The following PTPRD variants were observed in gnomAD, a reference collection of about 807,000 sequenced individuals.
The protein encoded by PTPRD is protein tyrosine phosphatase receptor type D, also known as receptor-type tyrosine-protein phosphatase delta.
PTPRD carries 34 observed loss-of-function variants against 214.5 expected under a neutral mutation model. The ratio of observed to expected loss-of-function variants is 0.16; its 90% CI spans 0.12 to 0.21. The LOEUF (loss-of-function observed/expected upper bound fraction) is 0.21, where lower values mean the gene tolerates loss of function less well. PTPRD is among the 10% of genes least tolerant of loss of function. The pLI is 1.00. For missense variants in PTPRD, 2,545 were observed against 2,398.7 expected, an observed-to-expected ratio of 1.06 and a Z score of -1.27; for synonymous variants, 1,128 against 845.7, an observed-to-expected ratio of 1.33 and a Z score of -5.79.
Position 9,448,397 on chromosome 9 carries a change from T to A in PTPRD, c.-236-50915A>T, listed in dbSNP as rs575611160. Among the ~76,000 whole-genome samples the A allele has an allele frequency of 2.4e-4, 36 of 152,088 alleles. 1 individual carries two copies. Among genetic ancestry groups the A allele is most frequent in the Admixed American group, 2.4e-3 (36 of 15,268 alleles). On this transcript the variant is annotated intron_variant, in intron 8 of 45. Coordinates refer to ENST00000381196, the MANE Select transcript of PTPRD (RefSeq NM_002839.4). ...ATGCTGTTTTCAAGATAGTGAGTTC[T>A]CATGAGATCTGATGGTTTCCTAAGT... is the stretch of plus-strand genomic sequence containing the variant.
chr9:10,483,051 A>G (rs973628511), intron 2 of PTPRD, among the ~76,000 whole-genome samples: 1 of 152,338 alleles, frequency 6.6e-6, no homozygotes, highest in Admixed American at 6.5e-5. Flanking sequence ...GTAAGGCTAT[A>G]GTAACCAAAC....
intron 12 of PTPRD, among the ~76,000 whole-genome samples, chr9:8,675,463 G>C (rs751255725): frequency 3.1e-5 from 4 of 128,976 alleles, no homozygotes; most frequent in Non-Finnish European, 6.2e-5. Flanking sequence ...ATGTAATCCT[G>C]TATTTCTTTA....
rs541351817 is a variant in PTPRD at position 8,681,282 on chromosome 9, T to G, written c.65-44438A>C. ...ATAACCAAAGCAAACACATTTTATT[T>G]ACATGTTTGTTTCTTAAAGAACATG... is the stretch of plus-strand genomic sequence containing the variant. On this transcript the variant is annotated intron_variant, in intron 12 of 45. Coordinates refer to ENST00000381196, the MANE Select transcript of PTPRD (RefSeq NM_002839.4). Among the ~76,000 whole-genome samples the G allele has an allele frequency of 5.3e-5, 8 of 152,288 alleles. No individual in the cohort carries two copies. The South Asian group carries it at 1.7e-3, about 32-fold the overall frequency.
intron 36 of PTPRD, among the ~76,000 whole-genome samples, chr9:8,395,621 A>G (rs1158673466): frequency 6.6e-6 from 1 of 151,296 alleles, no homozygotes; most frequent in Middle Eastern, 3.2e-3. Context: ...AGTTTCTACA[A>G]AACACATAGA....
chr9:8,326,232 G>C (rs1314367330), intron 44 of PTPRD, among the ~76,000 whole-genome samples: 1 of 152,146 alleles, frequency 6.6e-6, no homozygotes. Flanking sequence ...TTCTTCTTTT[G>C]AGATACGTTC....
intron 2 of PTPRD, among the ~76,000 whole-genome samples, chr9:10,576,796 AAT>A (rs2069522129): frequency 1.3e-5 from 2 of 152,192 alleles, no homozygotes; most frequent in African/African-American, 4.8e-5. Context: ...GTTGATTACA[AAT>A]ATAAAATAAA....
intron 9 of PTPRD, among the ~76,000 whole-genome samples, chr9:9,219,098 T>C (rs749451614): frequency 1.3e-4 from 20 of 152,160 alleles, no homozygotes; most frequent in Non-Finnish European, 2.2e-4. Flanking sequence ...CATTATTACA[T>C]ATGCATAAGC....
chr9:8,481,793 T>C (rs1240482426), intron 30 of PTPRD, among the ~76,000 whole-genome samples: 1 of 152,176 alleles, frequency 6.6e-6, no homozygotes, highest in African/African-American at 2.4e-5. Context: ...TGTTTTGTTT[T>C]GTTTTTTGAG....
chr9:9,048,719 A>G (rs766486272), intron 10 of PTPRD, among the ~76,000 whole-genome samples: 6 of 152,100 alleles, frequency 3.9e-5, no homozygotes, highest in Non-Finnish European at 8.8e-5. Context: ...TTTTAAACAG[A>G]GTAGAAAGAA....
intron 30 of PTPRD, among the ~76,000 whole-genome samples, chr9:8,477,701 T>C (rs1156921555): frequency 6.6e-6 from 1 of 152,238 alleles, no homozygotes; most frequent in Non-Finnish European, 1.5e-5. Context: ...TTCTGTGATC[T>C]GTACCCAAGC....
intron 10 of PTPRD, among the ~76,000 whole-genome samples, chr9:9,042,153 G>T (rs1000897643): frequency 1.9e-4 from 29 of 152,178 alleles, no homozygotes; most frequent in African/African-American, 7.0e-4. Context: ...CTTATACACT[G>T]GTTTTATTCT....
intron 7 of PTPRD, among the ~76,000 whole-genome samples, chr9:9,709,912 T>C (rs1405157427): frequency 6.6e-6 from 1 of 152,086 alleles, no homozygotes; most frequent in Non-Finnish European, 1.5e-5. Flanking sequence ...TAATAGAATA[T>C]CCTTTTTCTG....
intron 11 of PTPRD, among the ~76,000 whole-genome samples, chr9:8,978,244 A>C (rs2099279142): frequency 6.6e-6 from 1 of 152,124 alleles, no homozygotes. Context: ...AAGGGTAGCA[A>C]GGCCTCAGCT....
chr9:8,320,884 C>T lies in PTPRD; in HGVS notation c.5535-918G>A, dbSNP rs144637952. Among the ~76,000 whole-genome samples the T allele has an allele frequency of 5.1e-4, 77 of 152,144 alleles. 2 individuals are homozygous for T. The East Asian group carries it at 0.012, about 23-fold the overall frequency. On this transcript the variant is annotated intron_variant, in intron 44 of 45. Transcript: ENST00000381196. ...GATAATGAGGGAAACAGTGAATAAT[C>T]TGAAAAATCCCTGCATTTTTGGATC...
At chr9:9,680,861 G>A (rs1019408645) in intron 7 of PTPRD, among the ~76,000 whole-genome samples, 4 of 151,796 alleles carry the variant, frequency 2.6e-5, no homozygotes, top group African/African-American at 9.7e-5. Context: ...AGCTGAAGGA[G>A]CACATATCTT....
At chr9:10,085,118 T>G (rs1000069570) in intron 3 of PTPRD, among the ~76,000 whole-genome samples, 2 of 151,902 alleles carry the variant, frequency 1.3e-5, no homozygotes, top group African/African-American at 4.8e-5. Flanking sequence ...TCTCCTTCAT[T>G]CTCTTTTAAT....
chr9:8,768,652 T>C (rs1230545601), intron 11 of PTPRD, among the ~76,000 whole-genome samples: 1 of 152,122 alleles, frequency 6.6e-6, no homozygotes, highest in East Asian at 1.9e-4. Flanking sequence ...AACTAATGGA[T>C]TAGACACTAC....
intron 11 of PTPRD, among the ~76,000 whole-genome samples, chr9:8,809,177 A>T (rs987969604): frequency 1.3e-5 from 2 of 152,054 alleles, no homozygotes; most frequent in Admixed American, 1.3e-4. Flanking sequence ...CACAAAACAA[A>T]AGCTTGAAAA....
chr9:9,957,985 T>G (rs1305937682), intron 4 of PTPRD, among the ~76,000 whole-genome samples: 1 of 152,130 alleles, frequency 6.6e-6, no homozygotes, highest in Non-Finnish European at 1.5e-5. Flanking sequence ...AAAAGGTATC[T>G]TTCAGCAAAT....
Sources: gnomAD v4.1 joint callset for allele counts (sites outside exome capture counted in the v4.1 genomes callset) on GRCh38, gnomAD v4.1.1 for gene constraint, MANE v1.5 for transcripts, NCBI Gene and HGNC (gene_info 2026-07-23, HGNC 2026-07-21) for gene names.